EPC2: variants seen among roughly 807,000 people sequenced by gnomAD.
EPC2 encodes the protein enhancer of polycomb 2, also known as enhancer of polycomb homolog 2.
Under a neutral mutation model 92.1 loss-of-function variants are expected in EPC2, and 14 were observed. That is an observed-to-expected ratio of 0.15 (90% confidence interval 0.10 to 0.24). The LOEUF (loss-of-function observed/expected upper bound fraction) is 0.24. EPC2 is among the 10% of genes least tolerant of loss of function. The probability of loss-of-function intolerance (pLI) is 1.00; values close to 1 mark genes in which losing one functional copy is unlikely to be tolerated. For missense variants in EPC2, 755 were observed against 971.5 expected (o/e 0.78, Z 2.96); for synonymous variants, 340 against 334.7 (o/e 1.02, Z -0.17).
At chr2:148,682,130 A>G (rs1018053393) in intron 1 of EPC2, among the ~76,000 whole-genome samples, 4 of 152,238 alleles carry the variant, frequency 2.6e-5, no homozygotes, top group Non-Finnish European at 5.9e-5. Flanking sequence ...ATTCATGGAC[A>G]TTTGGGTTGG....
intron 2 of EPC2, among the ~76,000 whole-genome samples, chr2:148,741,602 G>A (rs190315105): frequency 2.0e-5 from 3 of 152,184 alleles, no homozygotes; most frequent in Non-Finnish European, 2.9e-5. Context: ...GACATTTCAC[G>A]TGGTATGAAT....
intron 4 of EPC2, among the ~76,000 whole-genome samples, chr2:148,759,038 A>G (rs1254706195): frequency 6.6e-6 from 1 of 152,240 alleles, no homozygotes; most frequent in Non-Finnish European, 1.5e-5. Context: ...CATGACAACC[A>G]AATGTGGTTT....
At chr2:148,685,677 C>T (rs938699053) in intron 1 of EPC2, among the ~76,000 whole-genome samples, 5 of 152,188 alleles carry the variant, frequency 3.3e-5, no homozygotes, top group African/African-American at 4.8e-5. Context: ...AGGAGAATGG[C>T]GTGAGCTCCG....
chr2:148,696,955 C>T (rs1243326321), intron 2 of EPC2, among the ~76,000 whole-genome samples: 1 of 152,180 alleles, frequency 6.6e-6, no homozygotes, highest in African/African-American at 2.4e-5. Context: ...TTTCCTTCCA[C>T]AGTTATGGGT....
chr2:148,655,025 C>T (rs1050544240), intron 1 of EPC2, among the ~76,000 whole-genome samples: 1 of 152,072 alleles, frequency 6.6e-6, no homozygotes, highest in Non-Finnish European at 1.5e-5. Context: ...TGGATGAACA[C>T]TTTTGTTTGG....
rs1488167042 is a variant in EPC2, at chr2:148,739,830, CTTCTTTTTTT to C, written c.314-3789_314-3780del. Among the ~76,000 whole-genome samples the C allele has an allele frequency of 3.2e-4, 31 of 96,704 alleles. 1 individual carries two copies. The highest frequency in any genetic ancestry group is 1.2e-3 in the East Asian group (3 of 2,560). 63.4% of individuals were successfully genotyped at this position (96,704 alleles called of 152,430 possible). ...TCTTTCTTCCTTTTCTTTTCTTCTT[CTTCTTTTTTT>C]TTTTTTTTTTTTTTTTTTGGTTTAC... On this transcript the variant is annotated intron_variant, in intron 2 of 13. Coordinates refer to ENST00000258484, the MANE Select transcript of EPC2 (RefSeq NM_015630.4).
intron 2 of EPC2, among the ~76,000 whole-genome samples, chr2:148,727,336 T>C: frequency 6.6e-6 from 1 of 152,212 alleles, no homozygotes; most frequent in Non-Finnish European, 1.5e-5. Context: ...TATAGCTTTA[T>C]AATTTGTTTT....
chr2:148,661,906 C>G (rs1680943063), intron 1 of EPC2, among the ~76,000 whole-genome samples: 1 of 152,066 alleles, frequency 6.6e-6, no homozygotes, highest in Non-Finnish European at 1.5e-5. Context: ...AGGTGTTACT[C>G]TTTTCAAAAA....
intron 1 of EPC2, among the ~76,000 whole-genome samples, chr2:148,671,176 GTTTT>G (rs1574572240): frequency 6.6e-6 from 1 of 150,908 alleles, no homozygotes; most frequent in Admixed American, 6.6e-5. Context: ...TTATTAGTGT[GTTTT>G]TATTTATTGG....
intron 3 of EPC2, among the ~76,000 whole-genome samples, chr2:148,747,986 A>C (rs1683016771): frequency 6.6e-6 from 1 of 152,014 alleles, no homozygotes; most frequent in African/African-American, 2.4e-5. Flanking sequence ...CTCAAATATC[A>C]TGTGGAATTG....
At chr2:148,753,838 C>G in intron 3 of EPC2, 89 bp from the exon 4 acceptor site, 1 of 1,031,310 alleles carries the variant, frequency 9.7e-7, no homozygotes, top group South Asian at 1.6e-5. Flanking sequence ...GTTATTGAAA[C>G]TGGTCGCATT....
intron 1 of EPC2, among the ~76,000 whole-genome samples, chr2:148,668,774 CT>C (rs879460780): frequency 6.6e-5 from 10 of 151,998 alleles, no homozygotes; most frequent in South Asian, 2.1e-4. Flanking sequence ...TGTCTTCTCA[CT>C]TTTTTTCCCC....
intron 1 of EPC2, among the ~76,000 whole-genome samples, chr2:148,655,799 C>T (rs985348901): frequency 1.3e-5 from 2 of 151,946 alleles, no homozygotes; most frequent in Non-Finnish European, 2.9e-5. Flanking sequence ...GATTTTATTC[C>T]CATTACTATA....
chr2:148,684,058 C>T (rs771055329), intron 1 of EPC2, among the ~76,000 whole-genome samples: 3 of 152,190 alleles, frequency 2.0e-5, no homozygotes, highest in Non-Finnish European at 4.4e-5. Context: ...GCCATTCTTG[C>T]AGGAGTAAGG....
chr2:148,662,532 C>CT (rs1680959244), intron 1 of EPC2, among the ~76,000 whole-genome samples: 1 of 152,098 alleles, frequency 6.6e-6, no homozygotes, highest in African/African-American at 2.4e-5. Context: ...ATGGATGAAG[C>CT]TGGAAACCAT....
chr2:148,695,201 C>T (rs1362423600), intron 2 of EPC2, among the ~76,000 whole-genome samples: 2 of 152,222 alleles, frequency 1.3e-5, no homozygotes, highest in African/African-American at 4.8e-5. Flanking sequence ...CCATCTCATT[C>T]CCTTAGTCTT....
At chr2:148,694,204 C>T (rs1033338621) in intron 2 of EPC2, among the ~76,000 whole-genome samples, 1 of 152,056 alleles carries the variant, frequency 6.6e-6, no homozygotes, top group Non-Finnish European at 1.5e-5. Flanking sequence ...TTGAGCAACC[C>T]GCTGTGTTAG....
chr2:148,647,938 C>T (rs2105347968), intron 1 of EPC2, among the ~76,000 whole-genome samples: 1 of 152,288 alleles, frequency 6.6e-6, no homozygotes, highest in East Asian at 1.9e-4. Flanking sequence ...CCGCGCCTTG[C>T]AATTTTTTTA....
At chr2:148,778,446 A>G (rs1478924544) in intron 10 of EPC2, among the ~76,000 whole-genome samples, 1 of 152,164 alleles carries the variant, frequency 6.6e-6, no homozygotes, top group East Asian at 1.9e-4. Context: ...AATGTAAGAA[A>G]TCTCTTATGA....
Sources: gnomAD v4.1 joint callset for allele counts (sites outside exome capture counted in the v4.1 genomes callset) on GRCh38, gnomAD v4.1.1 for gene constraint, MANE v1.5 for transcripts, NCBI Gene and HGNC (gene_info 2026-07-23, HGNC 2026-07-21) for gene names.